PARD3: variants seen among roughly 807,000 people sequenced by gnomAD.
PARD3 encodes the protein partitioning defective 3 homolog.
A neutral mutation model predicts 155.4 loss-of-function variants in PARD3; 75 were observed. The ratio of observed to expected loss-of-function variants is 0.48; its 90% CI spans 0.40 to 0.58. PARD3 has a LOEUF of 0.58. Ranked by LOEUF, PARD3 falls within the 20% of genes least tolerant of loss-of-function variation. PARD3 has a pLI of 0.00. For missense variants in PARD3, 1,642 were observed against 1,721.7 expected, an observed-to-expected ratio of 0.95 and a Z score of 0.82; for synonymous variants, 576 against 610.5, an observed-to-expected ratio of 0.94 and a Z score of 0.83.
At chr10:34,761,794 A>G (rs1355121550) in intron 1 of PARD3, among the ~76,000 whole-genome samples, 1 of 152,208 alleles carries the variant, frequency 6.6e-6, no homozygotes, top group Non-Finnish European at 1.5e-5. Context: ...GTTCTACTTA[A>G]GAAAACGATG....
chr10:34,794,536 G>T (rs970016443), intron 1 of PARD3, among the ~76,000 whole-genome samples: 13 of 152,206 alleles, frequency 8.5e-5, no homozygotes, highest in African/African-American at 3.1e-4. Context: ...GTAGAATGAT[G>T]AAATTACTGC....
At chr10:34,274,760 A>T (rs1002297172) in intron 21 of PARD3, among the ~76,000 whole-genome samples, 2 of 152,210 alleles carry the variant, frequency 1.3e-5, no homozygotes, top group African/African-American at 4.8e-5. Context: ...AAACTCTATG[A>T]TACATCTAGC....
intron 22 of PARD3, among the ~76,000 whole-genome samples, chr10:34,177,053 T>G (rs887439652): frequency 6.6e-6 from 1 of 151,866 alleles, no homozygotes; most frequent in African/African-American, 2.4e-5. Flanking sequence ...TGTTTGTGTG[T>G]GTTGGTTTGG....
rs1385195895 is a variant in PARD3 at position 34,111,546 on chromosome 10, C to T, written c.3685G>A (p.Ala1229Thr). 1 of 1,594,806 alleles carries T rather than the reference C, an allele frequency of 6.3e-7. No individual in the cohort carries two copies. Among genetic ancestry groups the T allele is most frequent in the Non-Finnish European group, 8.6e-7 (1 of 1,167,208 alleles). The part of the protein sequence containing the change: ...SSLPRQSRKN[A>T]SSVSQDSWEQ... ...CAAGAGTCCTGGGAGACCGAGCTGG[C>T]ATTTTTCCTGCTTTGCCTAGAAAGC... is the stretch of plus-strand genomic sequence containing the variant. The change falls in exon 25 of 25, where the codon GCC becomes ACC. Residue 1229 changes from alanine to threonine, a missense_variant. By Grantham distance (58) the Ala-to-Thr change is moderately conservative. This residue lies in a region of PARD3 where 1,529 missense variants were observed against 1,587.3 expected (regional missense o/e 0.96). Coordinates refer to ENST00000374788, the MANE Select transcript of PARD3 (RefSeq NM_001184785.2).
chr10:34,523,460 C>T (rs546346614), intron 2 of PARD3, among the ~76,000 whole-genome samples: 17 of 152,192 alleles, frequency 1.1e-4, no homozygotes, highest in African/African-American at 3.6e-4. Flanking sequence ...CATATTTTGG[C>T]CCTGGATAAA....
Position 34,747,125 on chromosome 10 carries a change from T to G in PARD3, c.121-50706A>C, listed in dbSNP as rs573944826. Among the ~76,000 whole-genome samples, 10 of 152,354 alleles carry G rather than the reference T, an allele frequency of 6.6e-5. No individual in the cohort carries two copies. In the South Asian group the frequency reaches 2.1e-3, roughly 32 times the overall value. On this transcript the variant is annotated intron_variant, in intron 1 of 24. Transcript: ENST00000374788. The stretch of plus-strand genomic sequence containing the variant: ...CTGAGATACTGGCTTCTGCTAAGAT[T>G]ATAAAGAACAGAAATTTGTACATTG...
At chr10:34,309,159 C>T (rs1160901350) in intron 20 of PARD3, among the ~76,000 whole-genome samples, 1 of 151,980 alleles carries the variant, frequency 6.6e-6, no homozygotes, top group African/African-American at 2.4e-5. Context: ...CTGTGGTGGG[C>T]AAGAGGACAT....
At chr10:34,616,680 G>A (rs1481120160) in intron 2 of PARD3, among the ~76,000 whole-genome samples, 1 of 152,160 alleles carries the variant, frequency 6.6e-6, no homozygotes, top group Non-Finnish European at 1.5e-5. Context: ...GCTCATGCCT[G>A]TAATCCCAGC....
At chr10:34,287,707 C>T (rs1956466959) in intron 20 of PARD3, among the ~76,000 whole-genome samples, 1 of 152,116 alleles carries the variant, frequency 6.6e-6, no homozygotes. Context: ...TATATATGAA[C>T]TCAGTCAATC....
intron 22 of PARD3, among the ~76,000 whole-genome samples, chr10:34,135,595 G>C (rs1947851958): frequency 6.6e-6 from 1 of 152,150 alleles, no homozygotes; most frequent in South Asian, 2.1e-4. Context: ...TGTGGCTAAG[G>C]ATACCCATTC....
intron 3 of PARD3, among the ~76,000 whole-genome samples, chr10:34,479,153 A>C (rs1225148526): frequency 1.3e-5 from 2 of 150,108 alleles, no homozygotes; most frequent in African/African-American, 5.0e-5. Context: ...TGATTAGCTC[A>C]AATTTAATTT....
chr10:34,261,125 T>C (rs1215811441), intron 22 of PARD3, among the ~76,000 whole-genome samples: 1 of 152,218 alleles, frequency 6.6e-6, no homozygotes, highest in Non-Finnish European at 1.5e-5. Flanking sequence ...TTTATTCCCA[T>C]TATATTTGAG....
intron 1 of PARD3, among the ~76,000 whole-genome samples, chr10:34,802,847 G>A (rs1453455673): frequency 1.3e-5 from 2 of 152,198 alleles, no homozygotes; most frequent in Middle Eastern, 3.4e-3. Flanking sequence ...CGGCTAACAT[G>A]TAGTCCACCT....
intron 23 of PARD3, among the ~76,000 whole-genome samples, chr10:34,125,089 C>T (rs921911741): frequency 1.7e-4 from 22 of 127,050 alleles, no homozygotes; most frequent in African/African-American, 6.1e-4. Flanking sequence ...TTTTTTGAGA[C>T]GGAGTCTTGC....
chr10:34,242,810 C>T (rs1160793219), intron 22 of PARD3, among the ~76,000 whole-genome samples: 1 of 152,180 alleles, frequency 6.6e-6, no homozygotes, highest in Non-Finnish European at 1.5e-5. Flanking sequence ...TGGCGCACAC[C>T]TGTAATCCCA....
intron 2 of PARD3, among the ~76,000 whole-genome samples, chr10:34,603,112 C>T (rs1012910981): frequency 1.1e-4 from 16 of 152,266 alleles, no homozygotes; most frequent in Admixed American, 9.8e-4. Flanking sequence ...CAGTGGACAG[C>T]TGTCAAAATT....
chr10:34,164,110 G>A (rs1949409926), intron 22 of PARD3, among the ~76,000 whole-genome samples: 1 of 152,144 alleles, frequency 6.6e-6, no homozygotes, highest in South Asian at 2.1e-4. Flanking sequence ...CAGACATTGT[G>A]CAAAGCGGAA....
At chr10:34,176,423 T>C (rs1950034719) in intron 22 of PARD3, among the ~76,000 whole-genome samples, 1 of 152,216 alleles carries the variant, frequency 6.6e-6, no homozygotes, top group Non-Finnish European at 1.5e-5. Context: ...ACAGATGTGC[T>C]TGTTAGCAGA....
At chr10:34,248,954 G>A (rs1954127969) in intron 22 of PARD3, among the ~76,000 whole-genome samples, 1 of 152,168 alleles carries the variant, frequency 6.6e-6, no homozygotes, top group African/African-American at 2.4e-5. Context: ...TTAAATGGTG[G>A]TTAAAATCTC....
Sources: gnomAD v4.1 joint callset for allele counts (sites outside exome capture counted in the v4.1 genomes callset) on GRCh38, gnomAD v4.1.1 for gene constraint, gnomAD v4.1.1 regional missense constraint, MANE v1.5 for transcripts, NCBI Gene and HGNC (gene_info 2026-07-23, HGNC 2026-07-21) for gene names.